The following CPNE4 variants were observed in gnomAD, a reference collection of about 807,000 sequenced individuals.
The protein encoded by CPNE4 is copine-4.
In CPNE4, 25 loss-of-function variants were observed where a neutral mutation model predicts 67.9. The ratio of observed to expected loss-of-function variants is 0.37; its 90% CI spans 0.27 to 0.51. The LOEUF is 0.51. Among genes scored for constraint, CPNE4 ranks in the 20% least tolerant of loss-of-function variants. CPNE4 has a pLI of 0.93. For synonymous variants in CPNE4, 242 were observed against 244.9 expected (o/e 0.99, Z 0.11); for missense variants, 464 against 690.8 (o/e 0.67, Z 3.68).
chr3:131,763,479 T>C (rs1005282521), intron 2 of CPNE4, among the ~76,000 whole-genome samples: 5 of 152,134 alleles, frequency 3.3e-5, no homozygotes, highest in African/African-American at 9.7e-5. Context: ...CAGTTATCAT[T>C]TTTCACTTTA....
At chr3:131,587,950 G>A (rs192503130) in intron 7 of CPNE4, among the ~76,000 whole-genome samples, 6 of 152,282 alleles carry the variant, frequency 3.9e-5, no homozygotes, top group African/African-American at 7.2e-5. Context: ...GGCATAGCAG[G>A]TAGCCTCCCT....
At chr3:131,907,053 A>T (rs940861108) in intron 1 of CPNE4, among the ~76,000 whole-genome samples, 6 of 152,122 alleles carry the variant, frequency 3.9e-5, no homozygotes, top group African/African-American at 1.4e-4. Flanking sequence ...GAAGGACCTG[A>T]ACAGACACTT....
At chr3:131,810,128 T>A (rs564773272) in intron 2 of CPNE4, among the ~76,000 whole-genome samples, 4 of 152,168 alleles carry the variant, frequency 2.6e-5, no homozygotes, top group African/African-American at 7.2e-5. Flanking sequence ...GGGGAAAGGC[T>A]TCTTGACATT....
At chr3:131,955,377 G>A (rs112775121) in intron 1 of CPNE4, among the ~76,000 whole-genome samples, 10 of 120,786 alleles carry the variant, frequency 8.3e-5, no homozygotes, top group South Asian at 5.4e-4. Context: ...TAAGTTGCAC[G>A]CAATGCTTTT....
chr3:131,740,570 G>A (rs538835537), intron 2 of CPNE4, among the ~76,000 whole-genome samples: 37 of 152,090 alleles, frequency 2.4e-4, no homozygotes, highest in African/African-American at 8.4e-4. Flanking sequence ...CGGATCTCAC[G>A]GCTTCTCACC....
chr3:131,886,388 C>T lies in CPNE4; in HGVS notation c.180+18876G>A, dbSNP rs1243568513. 2.0e-5 allele frequency among the ~76,000 whole-genome samples: 3 copies of T among 152,208 alleles called. No homozygotes were observed. In the East Asian group the frequency reaches 5.8e-4, roughly 29 times the overall value. On this transcript the variant is annotated intron_variant, in intron 2 of 15. Coordinates refer to ENST00000429747, the MANE Select transcript of CPNE4 (RefSeq NM_130808.3). ...AAGATGTACGGAAACACCTGGATGC[C>T]CAGGCAGAAGTTTGCAGCAGGGGTG... is the stretch of plus-strand genomic sequence containing the variant.
At chr3:131,577,849 T>C (rs1937587741) in intron 9 of CPNE4, among the ~76,000 whole-genome samples, 2 of 152,094 alleles carry the variant, frequency 1.3e-5, no homozygotes, top group African/African-American at 4.8e-5. Context: ...CTTATGGGAG[T>C]ACTGTCATAT....
At chr3:131,658,866 G>A (rs16837382) in intron 7 of CPNE4, among the ~76,000 whole-genome samples, 50,214 of 151,978 alleles carry the variant, frequency 0.33, 8,671 homozygotes, top group African/African-American at 0.4. Flanking sequence ...GGATGGCTGC[G>A]GATTGTGATG....
upstream of CPNE4, chr3:132,037,432 C>A: frequency 2.7e-6 from 2 of 738,010 alleles, no homozygotes; most frequent in South Asian, 3.2e-5. Flanking sequence ...CTCATCTGTA[C>A]AAATGAAGAT....
intron 2 of CPNE4, among the ~76,000 whole-genome samples, chr3:131,839,674 T>C (rs1443910294): frequency 6.6e-6 from 1 of 152,134 alleles, no homozygotes; most frequent in African/African-American, 2.4e-5. Flanking sequence ...GTACTTTATA[T>C]TTTTGTCACA....
chr3:131,743,973 A>AAAC (rs1302131098), intron 2 of CPNE4, among the ~76,000 whole-genome samples: 2 of 148,600 alleles, frequency 1.3e-5, no homozygotes, highest in Non-Finnish European at 3.0e-5. Context: ...AAAAAAAAAA[A>AAAC]AAAAAAAAAA....
At chr3:131,646,822 T>C (rs1356184868) in intron 7 of CPNE4, among the ~76,000 whole-genome samples, 2 of 152,192 alleles carry the variant, frequency 1.3e-5, no homozygotes, top group African/African-American at 4.8e-5. Context: ...GAGGACAAGC[T>C]CTGAAAAGTT....
chr3:131,947,021 G>A (rs895466594), intron 1 of CPNE4, among the ~76,000 whole-genome samples: 3 of 152,090 alleles, frequency 2.0e-5, no homozygotes, highest in African/African-American at 7.2e-5. Flanking sequence ...ATAGAAAGAT[G>A]GGTTTACTAC....
intron 2 of CPNE4, among the ~76,000 whole-genome samples, chr3:131,797,976 T>A (rs2107900980): frequency 6.6e-6 from 1 of 152,310 alleles, no homozygotes; most frequent in African/African-American, 2.4e-5. Flanking sequence ...GTTCTCTTCC[T>A]GGTTTGCAGA....
intron 2 of CPNE4, among the ~76,000 whole-genome samples, chr3:131,741,044 T>C (rs994562478): frequency 6.6e-6 from 1 of 152,210 alleles, no homozygotes; most frequent in Non-Finnish European, 1.5e-5. Context: ...TGAAGCTTTT[T>C]CTTGCACCCT....
chr3:131,973,879 G>C (rs367745677), intron 1 of CPNE4, among the ~76,000 whole-genome samples: 1 of 152,178 alleles, frequency 6.6e-6, no homozygotes, highest in Non-Finnish European at 1.5e-5. Context: ...TTTGCCAAGC[G>C]TAACGTTATT....
chr3:131,923,704 C>CAAAAAAAAAAAA (rs3041574), intron 1 of CPNE4, among the ~76,000 whole-genome samples: 14 of 39,282 alleles, frequency 3.6e-4, no homozygotes, highest in Non-Finnish European at 4.5e-4. Context: ...GACTCCGTCT[C>CAAAAAAAAAAAA]AAAAAAAAAA....
chr3:131,588,212 C>T (rs149043547), intron 7 of CPNE4, among the ~76,000 whole-genome samples: 2 of 152,212 alleles, frequency 1.3e-5, no homozygotes, highest in Non-Finnish European at 2.9e-5. Flanking sequence ...ATATTATGCA[C>T]CCATCACACA....
chr3:131,540,476 A>G (rs1337904042), intron 15 of CPNE4, among the ~76,000 whole-genome samples: 2 of 152,228 alleles, frequency 1.3e-5, no homozygotes, highest in African/African-American at 2.4e-5. Flanking sequence ...TGAAGAGCAT[A>G]TGCTAAAGGC....
Sources: allele counts gnomAD v4.1 joint callset (sites outside exome capture counted in the v4.1 genomes callset), GRCh38; gene constraint gnomAD v4.1.1; transcripts MANE v1.5; gene names NCBI Gene and HGNC (gene_info 2026-07-23, HGNC 2026-07-21).